The following TCF4 variants were observed in gnomAD, a reference collection of about 807,000 sequenced individuals.
The protein encoded by TCF4 is transcription factor 4.
A neutral mutation model predicts 82.1 loss-of-function variants in TCF4; 3 were observed. The observed-to-expected ratio is 0.04, with a 90% CI of 0.02 to 0.09. The LOEUF (loss-of-function observed/expected upper bound fraction) is 0.09, where lower values mean the gene tolerates loss of function less well. TCF4 is among the 10% of genes least tolerant of loss of function. The probability of loss-of-function intolerance (pLI) is 1.00; values close to 1 mark genes in which losing one functional copy is unlikely to be tolerated. For missense variants in TCF4, 518 were observed against 852.7 expected (o/e 0.61, Z 4.89); for synonymous variants, 276 against 309.6 (o/e 0.89, Z 1.14).
intron 3 of TCF4, among the ~76,000 whole-genome samples, chr18:55,482,498 C>T (rs1433801655): frequency 4.6e-5 from 7 of 152,182 alleles, no homozygotes; most frequent in Non-Finnish European, 1.0e-4. Context: ...GTAGAGTATA[C>T]AGTAGTGAGA....
intron 3 of TCF4, chr18:55,492,107 C>G (rs1477169231): frequency 6.6e-6 from 1 of 152,082 alleles, no homozygotes; most frequent in African/African-American, 2.4e-5. Flanking sequence ...ACCGGTTCCC[C>G]TTTATGTCAA....
At chr18:55,411,291 C>T (rs945517916) in intron 5 of TCF4, among the ~76,000 whole-genome samples, 2 of 152,136 alleles carry the variant, frequency 1.3e-5, no homozygotes, top group African/African-American at 4.8e-5. Context: ...TTACCATTGG[C>T]TTTATGTGAA....
intron 11 of TCF4, chr18:55,268,744 A>G (rs574932185): frequency 1.2e-4 from 19 of 152,128 alleles, no homozygotes; most frequent in Middle Eastern, 3.4e-3. Flanking sequence ...AATTCTACAC[A>G]CTCTCTAAAG....
chr18:55,481,103 C>CAAAAA (rs74180501), intron 3 of TCF4, among the ~76,000 whole-genome samples: 3 of 80,566 alleles, frequency 3.7e-5, no homozygotes, highest in Non-Finnish European at 6.9e-5. Context: ...GACTCCATCT[C>CAAAAA]AAAAAAAAAA....
chr18:55,263,031 C>A (rs1244122797), intron 11 of TCF4, among the ~76,000 whole-genome samples: 1 of 152,154 alleles, frequency 6.6e-6, no homozygotes, highest in African/African-American at 2.4e-5. Flanking sequence ...GTCTCGAACT[C>A]CTGACTTCAT....
At chr18:55,234,526 T>C in intron 16 of TCF4, 22 bp downstream of exon 16, 1 of 1,614,152 alleles carries the variant, frequency 6.2e-7, no homozygotes, top group Non-Finnish European at 8.5e-7. Context: ...AGGTCAGAAG[T>C]GCCCTGGTGA....
chr18:55,431,968 A>G (rs902182883), intron 5 of TCF4, among the ~76,000 whole-genome samples: 1 of 152,162 alleles, frequency 6.6e-6, no homozygotes, highest in Non-Finnish European at 1.5e-5. Context: ...TGAAAGTAAT[A>G]GCACAGTGCA....
At chr18:55,491,852 T>G (rs779022096) in intron 3 of TCF4, among the ~76,000 whole-genome samples, 10 of 152,160 alleles carry the variant, frequency 6.6e-5, no homozygotes, top group Non-Finnish European at 1.0e-4. Context: ...GTATGCCAAG[T>G]AAAGTTAAAT....
chr18:55,518,318 G>A (rs1223414063), intron 3 of TCF4, among the ~76,000 whole-genome samples: 2 of 151,930 alleles, frequency 1.3e-5, no homozygotes, highest in Non-Finnish European at 2.9e-5. Flanking sequence ...CAATTTCACA[G>A]AAACAAAATT....
chr18:55,418,016 T>C (rs2094582568), intron 5 of TCF4, among the ~76,000 whole-genome samples: 1 of 149,804 alleles, frequency 6.7e-6, no homozygotes, highest in African/African-American at 2.5e-5. Context: ...TGTGTGTGTG[T>C]GTGTGTGTGT....
chr18:55,628,015 G>A (rs1367727023), intron 2 of TCF4, among the ~76,000 whole-genome samples: 3 of 150,618 alleles, frequency 2.0e-5, no homozygotes, highest in South Asian at 2.1e-4. Context: ...AGCCATGATC[G>A]CGCCACTGCA....
At chr18:55,263,861 T>G (rs2058555942) in intron 11 of TCF4, among the ~76,000 whole-genome samples, 1 of 151,874 alleles carries the variant, frequency 6.6e-6, no homozygotes, top group Admixed American at 6.6e-5. Flanking sequence ...AGAGCTACAT[T>G]GGAAAAATCA....
At chr18:55,568,420 T>C (rs1435955171) in intron 3 of TCF4, among the ~76,000 whole-genome samples, 1 of 151,754 alleles carries the variant, frequency 6.6e-6, no homozygotes, top group East Asian at 1.9e-4. Context: ...AGAATACCTT[T>C]GTATAACTTT....
At position 55,542,205 on chromosome 18, in the gene TCF4, T is replaced by C. The variant is rs527378787; in HGVS notation, c.145+43075A>G. Among the ~76,000 whole-genome samples, 60 of 152,088 alleles carry C rather than the reference T, an allele frequency of 3.9e-4. 1 individual carries two copies. Among genetic ancestry groups the C allele is most frequent in the African/African-American group, 1.4e-3 (57 of 41,570 alleles). On this transcript the variant is annotated intron_variant, in intron 3 of 19. Transcript: ENST00000354452. ...TAAAGTGTGTGAATATAGTGGCAAA[T>C]AAAAGTTTCTTTGTTTCTGAGTTTC... is the stretch of plus-strand genomic sequence containing the variant.
chr18:55,576,992 G>A lies in TCF4; in HGVS notation c.145+8288C>T, dbSNP rs2097533231. Among the ~76,000 whole-genome samples, 3 of 150,932 alleles carry A rather than the reference G, an allele frequency of 2.0e-5. No individual in the cohort carries two copies. The South Asian group carries it at 6.2e-4, about 31-fold the overall frequency. On this transcript the variant is annotated intron_variant, in intron 3 of 19. Coordinates refer to ENST00000354452, the MANE Select transcript of TCF4 (RefSeq NM_001083962.2). ...CTGTGTTAGAATATATGCCCTCTGA[G>A]AGAAGGTTCTCTCTTCCATAAAGCC...
intron 6 of TCF4, among the ~76,000 whole-genome samples, chr18:55,379,770 G>C (rs114565756): frequency 6.6e-6 from 1 of 152,068 alleles, no homozygotes; most frequent in East Asian, 1.9e-4. Flanking sequence ...AACAAAATAC[G>C]AAAGACTGGG....
intron 14 of TCF4, among the ~76,000 whole-genome samples, chr18:55,255,394 G>T (rs761912702): frequency 1.8e-4 from 27 of 151,986 alleles, no homozygotes; most frequent in Non-Finnish European, 3.7e-4. Context: ...CTGTTCACTG[G>T]GGGCATCTAA....
At chr18:55,529,686 T>C (rs1264376562) in intron 3 of TCF4, among the ~76,000 whole-genome samples, 1 of 152,118 alleles carries the variant, frequency 6.6e-6, no homozygotes, top group Non-Finnish European at 1.5e-5. Flanking sequence ...TCACTGACAT[T>C]AGGAAGGAAA....
chr18:55,361,331 A>T (rs553411666), intron 6 of TCF4, among the ~76,000 whole-genome samples: 1 of 151,986 alleles, frequency 6.6e-6, no homozygotes, highest in South Asian at 2.1e-4. Context: ...ACATTTCTCC[A>T]CTAAGATGCA....
Sources: allele counts gnomAD v4.1 joint callset (sites outside exome capture counted in the v4.1 genomes callset), GRCh38; gene constraint gnomAD v4.1.1; transcripts MANE v1.5; gene names NCBI Gene and HGNC (gene_info 2026-07-23, HGNC 2026-07-21).